The following KIF4B variants were observed in gnomAD, a reference collection of about 807,000 sequenced individuals.
KIF4B encodes the protein kinesin family member 4B.
A neutral mutation model predicts 69.0 loss-of-function variants in KIF4B; 60 were observed. That is an observed-to-expected ratio of 0.87 (90% confidence interval 0.71 to 1.08). KIF4B has a LOEUF of 1.08. Ranked by LOEUF, KIF4B falls within the 50% of genes least tolerant of loss-of-function variation. The pLI is 0.00. For synonymous variants in KIF4B, 489 were observed against 533.0 expected (o/e 0.92, Z 1.14); for missense variants, 1,357 against 1,451.9 (o/e 0.93, Z 1.06).
In KIF4B at chr5:155,014,782, T is replaced by G. The variant is rs1765294788; in HGVS notation, c.923T>G (p.Leu308Arg). The change falls in exon 1 of 1, where the codon CTT becomes CGT. Residue 308 changes from leucine (L) to arginine (R), a missense_variant. By Grantham distance (102) the Leu-to-Arg change is moderately radical. Coordinates refer to ENST00000435029, the MANE Select transcript of KIF4B (RefSeq NM_001099293.3). ...QDSLGGNSHT[L>R]MIACVSPADS... Reference sequence around the variant, plus strand: ...TCTCTAGGAGGTAACAGCCACACTCTTATGATAGCCTGTGTGAGTCCTGCT... The same window carrying G: ...TCTCTAGGAGGTAACAGCCACACTCGTATGATAGCCTGTGTGAGTCCTGCT... 1 of 1,614,202 alleles carries G rather than the reference T, an allele frequency of 6.2e-7. No individual in the cohort carries two copies. The highest frequency in any genetic ancestry group is 8.5e-7 in the Non-Finnish European group (1 of 1,180,038).
In KIF4B at chr5:155,014,324, T is replaced by C. The variant is rs1765285704; in HGVS notation, c.465T>C (p.Ser155=). Residue 155 remains serine, a synonymous_variant, in exon 1 of 1, where the codon TCT becomes TCC. Coordinates refer to ENST00000435029, the MANE Select transcript of KIF4B (RefSeq NM_001099293.3). ...NEEILDLLCP[S]REKAQINIRE... is the part of the protein sequence containing the mutation. ...AAATTTTGGATCTTCTATGCCCATC[T>C]CGTGAGAAAGCTCAAATAAATATAC... The C allele has an allele frequency of 2.5e-6, 4 of 1,614,122 alleles. No homozygotes were observed. The highest frequency in any genetic ancestry group is 3.4e-6 in the Non-Finnish European group (4 of 1,180,046).
At position 155,014,537 on chromosome 5, in the gene KIF4B, T is replaced by A; in HGVS notation, c.678T>A (p.Ser226Arg). Reference sequence around the variant, plus strand: ...TCTCCATAGAGCAAAGAAAGAAAAGTGACAAGAATTGCAGCTTTCGCTCCA... The same window carrying A: ...TCTCCATAGAGCAAAGAAAGAAAAGAGACAAGAATTGCAGCTTTCGCTCCA... Reference protein sequence around the residue: ...FTISIEQRKKSDKNCSFRSKL... With the variant: ...FTISIEQRKKRDKNCSFRSKL... Residue 226 changes from serine to arginine, a missense_variant, in exon 1 of 1, where the codon AGT becomes AGA. Physicochemically the swap from Ser to Arg is moderately radical, Grantham distance 110. Transcript: ENST00000435029. The A allele has an allele frequency of 6.2e-7, 1 of 1,614,078 alleles. No homozygotes were observed. Among genetic ancestry groups the A allele is most frequent in the South Asian group, 1.1e-5 (1 of 91,078 alleles).
chr5:155,015,089 T>C lies in KIF4B; in HGVS notation c.1230T>C (p.Ala410=), dbSNP rs1765300705. The C allele has an allele frequency of 6.2e-7, 1 of 1,614,066 alleles. No individual in the cohort carries two copies. The highest frequency in any genetic ancestry group is 1.7e-5 in the Admixed American group (1 of 60,004). ...EKLSRCLSKA[A]GQTAQMLERI... ...TAAGTCGTTGTCTGAGCAAGGCAGCTGGTCAGACAGCCCAGATGTTGGAGA... is the reference window on the plus strand; with the variant it reads ...TAAGTCGTTGTCTGAGCAAGGCAGCCGGTCAGACAGCCCAGATGTTGGAGA... Residue 410 remains alanine (A), a synonymous_variant, in exon 1 of 1, where the codon GCT becomes GCC. Transcript: ENST00000435029.
In KIF4B at chr5:155,017,841, G is replaced by A. The variant is rs889592466; in HGVS notation, c.*277G>A. Reference sequence around the variant, plus strand: ...ATGACTCATCAGGAACCAGTCCTCAGTATGATCAAGTTCCTTCTTATTTGT... The same window carrying A: ...ATGACTCATCAGGAACCAGTCCTCAATATGATCAAGTTCCTTCTTATTTGT... On this transcript the variant is annotated 3_prime_UTR_variant, in exon 1 of 1. Transcript: ENST00000435029. 1.8e-4 allele frequency: 82 copies of A among 460,710 alleles called. No homozygotes were observed. The highest frequency in any genetic ancestry group is 6.2e-4 in the Middle Eastern group (1 of 1,614). The allele number at this position is 460,710 out of a possible 1,614,324, so 28.5% of individuals were successfully genotyped here. A position where few individuals can be genotyped will look rare whatever the true frequency, so the allele number is the denominator to read the frequency against.
In KIF4B at chr5:155,014,397, A is replaced by T. The variant is rs754556909; in HGVS notation, c.538A>T (p.Thr180Ser). Reference protein sequence around the residue: ...GIKIVGLTEKTVLVALDTVSC... With the variant: ...GIKIVGLTEKSVLVALDTVSC... The stretch of plus-strand genomic sequence containing the variant: ...AAAGATTGTGGGACTCACTGAGAAG[A>T]CTGTTTTAGTTGCCTTGGATACTGT... The change falls in exon 1 of 1, where the codon ACT becomes TCT. Residue 180 changes from threonine (T) to serine (S), a missense_variant. Physicochemically the swap from Thr to Ser is moderately conservative, Grantham distance 58. Transcript: ENST00000435029. 6.2e-7 allele frequency: 1 copy of T among 1,614,192 alleles called. No homozygotes were observed. The highest frequency in any genetic ancestry group is 1.3e-5 in the African/African-American group (1 of 75,042).
rs1765288198 is a variant in KIF4B, at chr5:155,014,451, A to G, written c.592A>G (p.Arg198Gly). 2 of 1,614,038 alleles carry G rather than the reference A, an allele frequency of 1.2e-6. No homozygotes were observed. Among genetic ancestry groups the G allele is most frequent in the Non-Finnish European group, 1.7e-6 (2 of 1,180,026 alleles). The change falls in exon 1 of 1, where the codon AGG becomes GGG. Residue 198 changes from arginine (R) to glycine (G), a missense_variant. Physicochemically the swap from Arg to Gly is moderately radical, Grantham distance 125. Coordinates refer to ENST00000435029, the MANE Select transcript of KIF4B (RefSeq NM_001099293.3). Reference sequence around the variant, plus strand: ...CTGTTTGGAGCAGGGCAACAACTCTAGGACTGTGGCCTCCACAGCTATGAA... The same window carrying G: ...CTGTTTGGAGCAGGGCAACAACTCTGGGACTGTGGCCTCCACAGCTATGAA... ...VSCLEQGNNSRTVASTAMNSQ... is the reference protein window; with the variant it reads ...VSCLEQGNNSGTVASTAMNSQ...
At position 155,017,881 on chromosome 5, in the gene KIF4B, A is replaced by G. The variant is rs1261627731; in HGVS notation, c.*317A>G. 1 of 324,182 alleles carries G rather than the reference A, an allele frequency of 3.1e-6. No individual in the cohort carries two copies. Among genetic ancestry groups the G allele is most frequent in the Non-Finnish European group, 5.9e-6 (1 of 168,894 alleles). The allele number at this position is 324,182 out of a possible 1,614,324, so 20.1% of individuals were successfully genotyped here. A position where few individuals can be genotyped will look rare whatever the true frequency, so the allele number is the denominator to read the frequency against. On this transcript the variant is annotated 3_prime_UTR_variant, in exon 1 of 1. Transcript: ENST00000435029. ...TTCTTATTTGTGAGCAGTTCAGGCT[A>G]TCTCCTGATGGGGATGAGGCCAAGG...
Position 155,014,315 on chromosome 5 carries a change from A to G in KIF4B, c.456A>G (p.Leu152=). The stretch of plus-strand genomic sequence containing the variant: ...ACAATGAAGAAATTTTGGATCTTCT[A>G]TGCCCATCTCGTGAGAAAGCTCAAA... The part of the protein sequence containing the change: ...EIYNEEILDL[L]CPSREKAQIN... Residue 152 remains leucine (L), a synonymous_variant, in exon 1 of 1, where the codon CTA becomes CTG. Coordinates refer to ENST00000435029, the MANE Select transcript of KIF4B (RefSeq NM_001099293.3). 3 of 1,614,268 alleles carry G rather than the reference A, an allele frequency of 1.9e-6. No individual in the cohort carries two copies. The South Asian group carries it at 3.3e-5, about 18-fold the overall frequency.
In KIF4B at chr5:155,016,315, A is replaced by C; in HGVS notation, c.2456A>C (p.Gln819Pro). The change falls in exon 1 of 1, where the codon CAG becomes CCG. Residue 819 changes from glutamine to proline, a missense_variant. Physicochemically the swap from Gln to Pro is moderately conservative, Grantham distance 76. Coordinates refer to ENST00000435029, the MANE Select transcript of KIF4B (RefSeq NM_001099293.3). ...VLESEDCITK[Q>P]IESLETEMEL... The stretch of plus-strand genomic sequence containing the variant: ...GAGTCAGAAGATTGTATTACAAAAC[A>C]GATTGAAAGCCTAGAGACTGAAATG... 1 of 1,614,254 alleles carries C rather than the reference A, an allele frequency of 6.2e-7. No homozygotes were observed. Among genetic ancestry groups the C allele is most frequent in the Non-Finnish European group, 8.5e-7 (1 of 1,180,052 alleles).
At position 155,016,666 on chromosome 5, in the gene KIF4B, G is replaced by A. The variant is rs765867352; in HGVS notation, c.2807G>A (p.Ser936Asn). ...CAAGAGAAGGTGCTATACCTTGTCA[G>A]CCAGCTGCAGGAAAGCCAAATGGCA... ...QHQEKVLYLV[S>N]QLQESQMAEK... The change falls in exon 1 of 1, where the codon AGC (serine) becomes AAC (asparagine). Residue 936 changes from serine to asparagine, a missense_variant. Coordinates refer to ENST00000435029, the MANE Select transcript of KIF4B (RefSeq NM_001099293.3). The A allele has an allele frequency of 1.9e-6, 3 of 1,614,244 alleles. No individual in the cohort carries two copies. The East Asian group carries it at 6.7e-5, about 36-fold the overall frequency.
rs1765330255 is a variant in KIF4B, at chr5:155,016,227, A to T, written c.2368A>T (p.Asn790Tyr). ...QLKEKKESRENPPPKLRKCTF... is the reference protein window; with the variant it reads ...QLKEKKESREYPPPKLRKCTF... Reference sequence around the variant, plus strand: ...CAAAGAAAAAAAGGAATCTCGGGAGAATCCACCTCCTAAACTCCGGAAGTG... The same window carrying T: ...CAAAGAAAAAAAGGAATCTCGGGAGTATCCACCTCCTAAACTCCGGAAGTG... The change falls in exon 1 of 1, where the codon AAT becomes TAT. Residue 790 changes from asparagine to tyrosine, a missense_variant. Coordinates refer to ENST00000435029, the MANE Select transcript of KIF4B (RefSeq NM_001099293.3). The T allele has an allele frequency of 6.2e-7, 1 of 1,614,192 alleles. No individual in the cohort carries two copies. The highest frequency in any genetic ancestry group is 8.5e-7 in the Non-Finnish European group (1 of 1,180,028).
Position 155,015,166 on chromosome 5 carries a change from A to G in KIF4B, c.1307A>G (p.Glu436Gly), listed in dbSNP as rs1298723781. The G allele has an allele frequency of 1.2e-6, 2 of 1,614,246 alleles. No homozygotes were observed. The highest frequency in any genetic ancestry group is 2.2e-5 in the East Asian group (1 of 44,884). The change falls in exon 1 of 1, where the codon GAG becomes GGG. Residue 436 changes from glutamate to glycine, a missense_variant. Coordinates refer to ENST00000435029, the MANE Select transcript of KIF4B (RefSeq NM_001099293.3). Reference sequence around the variant, plus strand: ...GAAAAACTGAACGCCAAGCTAGAAGAGCTCAGGCAGCATGTGGCCTGCAAG... The same window carrying G: ...GAAAAACTGAACGCCAAGCTAGAAGGGCTCAGGCAGCATGTGGCCTGCAAG... ...VNEKLNAKLE[E>G]LRQHVACKLD...
rs1429293599 is a variant in KIF4B at position 155,016,328 on chromosome 5, A to G, written c.2469A>G (p.Leu823=). The change falls in exon 1 of 1, where the codon CTA becomes CTG. Residue 823 remains leucine, a synonymous_variant. Transcript: ENST00000435029. ...GTATTACAAAACAGATTGAAAGCCT[A>G]GAGACTGAAATGGAACTCAGGAGTG... ...EDCITKQIES[L]ETEMELRSAQ... 4.3e-6 allele frequency: 7 copies of G among 1,614,112 alleles called. No homozygotes were observed. In the East Asian group the frequency reaches 6.7e-5, roughly 15 times the overall value.
rs1765355803 is a variant in KIF4B, at chr5:155,017,804, CAGACTT to C, written c.*241_*246del. 1 of 632,866 alleles carries C rather than the reference CAGACTT, an allele frequency of 1.6e-6. No individual in the cohort carries two copies. The highest frequency in any genetic ancestry group is 3.3e-5 in the Admixed American group (1 of 30,134). 39.2% of individuals were successfully genotyped at this position (632,866 alleles called of 1,614,324 possible). ...AACCACCTGCTGAAGAGAGAACCAA[CAGACTT>C]TCCTAATGACTCATCAGGAACCAGT... On this transcript the variant is annotated 3_prime_UTR_variant, in exon 1 of 1. Coordinates refer to ENST00000435029, the MANE Select transcript of KIF4B (RefSeq NM_001099293.3).
rs564024572 is a variant in KIF4B, at chr5:155,017,579, T to A, written c.*15T>A. 47 of 1,606,152 alleles carry A rather than the reference T, an allele frequency of 2.9e-5. No individual in the cohort carries two copies. The highest frequency in any genetic ancestry group is 1.2e-4 in the Admixed American group (7 of 58,974). On this transcript the variant is annotated 3_prime_UTR_variant, in exon 1 of 1. Transcript: ENST00000435029. ...AGGCCCACTGAAGTTGGAGTCATCATCTCTACCCCCAATCTGGCTTGGGAG... is the reference window on the plus strand; with the variant it reads ...AGGCCCACTGAAGTTGGAGTCATCAACTCTACCCCCAATCTGGCTTGGGAG...
Position 155,016,023 on chromosome 5 carries a change from C to T in KIF4B, c.2164C>T (p.Arg722Ter), listed in dbSNP as rs772275476. 32 of 1,614,006 alleles carry T rather than the reference C, an allele frequency of 2.0e-5. No individual in the cohort carries two copies. The highest frequency in any genetic ancestry group is 2.4e-5 in the Non-Finnish European group (28 of 1,180,010). ...ACTCAAGGATGCTCTCCAGAAACAA[C>T]GAGAGGTCACAGATAAGCGGAAAGA... ...KRLKDALQKQ[R>*]EVTDKRKETQ... The change falls in exon 1 of 1, where the codon CGA (arginine) becomes TGA (stop). Residue 722 changes from arginine (R) to a stop codon, truncating the protein, a stop_gained. Coordinates refer to ENST00000435029, the MANE Select transcript of KIF4B (RefSeq NM_001099293.3). LOFTEE classifies it high-confidence loss of function.
Position 155,014,069 on chromosome 5 carries a change from G to T in KIF4B, c.210G>T (p.Ala70=), listed in dbSNP as rs1765279200. The change falls in exon 1 of 1, where the codon GCG becomes GCT. Residue 70 remains alanine (A), a synonymous_variant. Transcript: ENST00000435029. The part of the protein sequence containing the change: ...EQEEVFNKAV[A]PLIKGIFKGY... ...AAGAAGTCTTCAATAAAGCAGTAGC[G>T]CCGCTCATAAAAGGCATATTTAAAG... The T allele has an allele frequency of 6.2e-7, 1 of 1,614,066 alleles. No homozygotes were observed. The highest frequency in any genetic ancestry group is 1.3e-5 in the African/African-American group (1 of 74,912).
In KIF4B at chr5:155,013,951, G is replaced by A; in HGVS notation, c.92G>A (p.Cys31Tyr). 1.2e-6 allele frequency: 2 copies of A among 1,614,274 alleles called. No homozygotes were observed. Among genetic ancestry groups the A allele is most frequent in the African/African-American group, 1.3e-5 (1 of 75,078 alleles). Residue 31 changes from cysteine to tyrosine, a missense_variant, in exon 1 of 1, where the codon TGC (cysteine) becomes TAC (tyrosine). By Grantham distance (194) the Cys-to-Tyr change is radical. Transcript: ENST00000435029. ...GAGATTAGCGAGGGCTGCCAGATGTGCCTTTCCTTCGTGCCCGGGGAGACT... is the reference window on the plus strand; with the variant it reads ...GAGATTAGCGAGGGCTGCCAGATGTACCTTTCCTTCGTGCCCGGGGAGACT... ...PKEISEGCQM[C>Y]LSFVPGETQV...
rs775545910 is a variant in KIF4B at position 155,015,230 on chromosome 5, G to A, written c.1371G>A (p.Gln457=). ...AGCTAGTGGAGACTTTGGAAGACCA[G>A]GAATTGAAAGAAAATGTAGAGATAA... ...LQKLVETLED[Q]ELKENVEIIC... The change falls in exon 1 of 1, where the codon CAG becomes CAA. Residue 457 remains glutamine (Q), a synonymous_variant. Coordinates refer to ENST00000435029, the MANE Select transcript of KIF4B (RefSeq NM_001099293.3). 1.2e-6 allele frequency: 2 copies of A among 1,614,192 alleles called. No homozygotes were observed. Among genetic ancestry groups the A allele is most frequent in the South Asian group, 1.1e-5 (1 of 91,084 alleles).
Sources: allele counts gnomAD v4.1 joint callset, GRCh38; gene constraint gnomAD v4.1.1; transcripts MANE v1.5; gene names NCBI Gene and HGNC (gene_info 2026-07-23, HGNC 2026-07-21).